Variants in CLOCK observed in about 807,000 individuals in gnomAD.
CLOCK encodes circadian locomoter output cycles protein kaput.
Under a neutral mutation model 118.4 loss-of-function variants are expected in CLOCK, and 43 were observed. That is an observed-to-expected ratio of 0.36 (90% CI 0.28 to 0.47). The LOEUF is 0.47. Ranked by LOEUF, CLOCK falls within the 20% of genes least tolerant of loss-of-function variation. The pLI, the probability that CLOCK is intolerant of heterozygous loss-of-function variation, is 1.00. For missense variants in CLOCK, 846 were observed against 999.9 expected, an observed-to-expected ratio of 0.85 and a Z score of 2.08; for synonymous variants, 326 against 339.2, an observed-to-expected ratio of 0.96 and a Z score of 0.43.
At chr4:55,480,629 G>A (rs1385104735) in intron 4 of CLOCK, among the ~76,000 whole-genome samples, 1 of 152,088 alleles carries the variant, frequency 6.6e-6, no homozygotes. Context: ...AGTGGCTCAC[G>A]CCTGTAATCC....
intron 1 of CLOCK, among the ~76,000 whole-genome samples, chr4:55,542,430 A>G (rs1164072947): frequency 1.3e-5 from 2 of 148,848 alleles, no homozygotes; most frequent in East Asian, 3.9e-4. Flanking sequence ...ACCATACTAG[A>G]TTTCAAAACC....
chr4:55,498,822 C>T (rs1019271681), intron 2 of CLOCK, among the ~76,000 whole-genome samples: 2 of 151,952 alleles, frequency 1.3e-5, no homozygotes, highest in Non-Finnish European at 2.9e-5. Flanking sequence ...AGCCAGAAGG[C>T]CTGTGACCAG....
intron 2 of CLOCK, among the ~76,000 whole-genome samples, chr4:55,497,535 G>A (rs1728158389): frequency 1.3e-5 from 2 of 152,210 alleles, no homozygotes; most frequent in Admixed American, 6.5e-5. Context: ...TATTTTTTGA[G>A]GGGAAAGGTG....
At chr4:55,512,695 A>C (rs915354555) in intron 1 of CLOCK, among the ~76,000 whole-genome samples, 1 of 152,160 alleles carries the variant, frequency 6.6e-6, no homozygotes, top group African/African-American at 2.4e-5. Context: ...TTATACTTTT[A>C]CAATTTACAT....
chr4:55,542,110 G>A (rs1268039547), intron 1 of CLOCK, among the ~76,000 whole-genome samples: 1 of 152,032 alleles, frequency 6.6e-6, no homozygotes, highest in East Asian at 1.9e-4. Flanking sequence ...GGAGGCCGAG[G>A]TGGGCGGATC....
intron 8 of CLOCK, among the ~76,000 whole-genome samples, chr4:55,466,241 T>C (rs1725731414): frequency 6.6e-6 from 1 of 152,084 alleles, no homozygotes; most frequent in Admixed American, 6.6e-5. Flanking sequence ...TAAGGGGCTT[T>C]TCCCCTTTTG....
intron 1 of CLOCK, among the ~76,000 whole-genome samples, chr4:55,533,485 G>A (rs763556781): frequency 1.3e-5 from 2 of 152,018 alleles, no homozygotes; most frequent in Non-Finnish European, 2.9e-5. Flanking sequence ...TTTGATTTCC[G>A]AATATTTTTT....
chr4:55,442,820 A>G (rs191746954), intron 20 of CLOCK, among the ~76,000 whole-genome samples, 186 bp from the exon 21 acceptor site: 35 of 152,260 alleles, frequency 2.3e-4, no homozygotes, highest in Non-Finnish European at 4.4e-4. Context: ...TTAGTCTTGA[A>G]TATCTTGCTG....
At chr4:55,442,346 A>C in intron 21 of CLOCK, 86 bp downstream of exon 21, 1 of 1,207,488 alleles carries the variant, frequency 8.3e-7, no homozygotes, top group South Asian at 1.3e-5. Context: ...AAATCACATT[A>C]AAAAATTTGA....
intron 22 of CLOCK, among the ~76,000 whole-genome samples, chr4:55,436,278 CAAACA>C (rs1722871673): frequency 6.6e-6 from 1 of 152,126 alleles, no homozygotes. Context: ...TAAAGACAGA[CAAACA>C]AAACAAAATG....
intron 1 of CLOCK, chr4:55,546,336 G>A (rs1456219811): frequency 6.6e-6 from 1 of 152,382 alleles, no homozygotes; most frequent in African/African-American, 2.4e-5. Flanking sequence ...CAGGCAGGGC[G>A]GGCCTCGGCC....
chr4:55,526,918 G>A (rs936464908), intron 1 of CLOCK, among the ~76,000 whole-genome samples: 4 of 129,518 alleles, frequency 3.1e-5, no homozygotes, highest in Admixed American at 9.6e-5. Flanking sequence ...CTGCACTCCA[G>A]CCCGGGTGAC....
At chr4:55,496,597 C>T (rs1310396622) in intron 2 of CLOCK, among the ~76,000 whole-genome samples, 9 of 152,080 alleles carry the variant, frequency 5.9e-5, no homozygotes, top group Admixed American at 5.9e-4. Flanking sequence ...TTTTAAAATT[C>T]CAATTTACAG....
rs1241918554 is a variant in CLOCK, at chr4:55,448,815, T to C, written c.1503A>G (p.Gln501=). ...GSSLTQPVMS[Q]ATNLPIPQGM... Reference sequence around the variant, plus strand: ...CTTGTGGAATTGGTAAATTTGTAGCTTGAGACATCACTGGCTGTGTTAATG... The same window carrying C: ...CTTGTGGAATTGGTAAATTTGTAGCCTGAGACATCACTGGCTGTGTTAATG... The change falls in exon 18 of 23, where the codon CAA becomes CAG. Residue 501 remains glutamine, a synonymous_variant. Coordinates refer to ENST00000513440, the MANE Select transcript of CLOCK (RefSeq NM_004898.4). 6.2e-7 allele frequency: 1 copy of C among 1,613,900 alleles called. No homozygotes were observed. The highest frequency in any genetic ancestry group is 8.5e-7 in the Non-Finnish European group (1 of 1,179,970).
intron 13 of CLOCK, among the ~76,000 whole-genome samples, chr4:55,454,255 A>C (rs895356261): frequency 6.6e-6 from 1 of 152,218 alleles, no homozygotes; most frequent in African/African-American, 2.4e-5. Context: ...AACTGAGTGC[A>C]GTAACTGCCA....
At chr4:55,537,803 T>G (rs1731002359) in intron 1 of CLOCK, among the ~76,000 whole-genome samples, 1 of 151,700 alleles carries the variant, frequency 6.6e-6, no homozygotes, top group Admixed American at 6.6e-5. Flanking sequence ...AACAAATAAA[T>G]AAATTATAAA....
At chr4:55,517,799 TAGA>T (rs1341748616) in intron 1 of CLOCK, among the ~76,000 whole-genome samples, 1 of 152,012 alleles carries the variant, frequency 6.6e-6, no homozygotes, top group Non-Finnish European at 1.5e-5. Context: ...ATAGTAGTAG[TAGA>T]ATGTTGGCTT....
intron 6 of CLOCK, 134 bp from the exon 7 acceptor site, chr4:55,476,188 C>T: frequency 1.5e-6 from 1 of 666,942 alleles, no homozygotes; most frequent in Non-Finnish European, 2.7e-6. Flanking sequence ...GGGTAGATAT[C>T]AAGAGGTCCA....
intron 1 of CLOCK, among the ~76,000 whole-genome samples, chr4:55,526,640 T>C (rs76467744): frequency 0.034 from 5,119 of 151,718 alleles, 104 homozygotes; most frequent in Non-Finnish European, 0.054. Context: ...AGGTGCAGTG[T>C]AGACAGTAAG....
Sources: gnomAD v4.1 joint callset for allele counts (sites outside exome capture counted in the v4.1 genomes callset) on GRCh38, gnomAD v4.1.1 for gene constraint, MANE v1.5 for transcripts, NCBI Gene and HGNC (gene_info 2026-07-23, HGNC 2026-07-21) for gene names.